Variants in GRID2 observed in about 807,000 individuals in gnomAD.
GRID2 encodes the protein glutamate ionotropic receptor delta type subunit 2, also known as glutamate receptor ionotropic, delta-2.
A neutral mutation model predicts 114.8 loss-of-function variants in GRID2; 33 were observed. That is an observed-to-expected ratio of 0.29 (90% CI 0.22 to 0.38). The LOEUF is 0.38. Ranked by LOEUF, GRID2 falls within the 10% of genes least tolerant of loss-of-function variation. GRID2 has a pLI of 1.00. For missense variants in GRID2, 1,184 were observed against 1,257.7 expected, an observed-to-expected ratio of 0.94 and a Z score of 0.89; for synonymous variants, 505 against 449.9, an observed-to-expected ratio of 1.12 and a Z score of -1.55.
At chr4:92,687,115 C>G (rs1258225505) in intron 2 of GRID2, among the ~76,000 whole-genome samples, 1 of 151,908 alleles carries the variant, frequency 6.6e-6, no homozygotes, top group Non-Finnish European at 1.5e-5. Context: ...AGTTACCATG[C>G]CTTTTGAGAT....
At position 93,024,799 on chromosome 4, in the gene GRID2, A is replaced by G. The variant is rs141377396; in HGVS notation, c.245-60196A>G. Among the ~76,000 whole-genome samples, 579 of 151,790 alleles carry G rather than the reference A, an allele frequency of 3.8e-3. 20 individuals are homozygous for G. In the East Asian group the frequency reaches 0.062, roughly 16 times the overall value. ...CTCAGCCTCCCACTTATCCACTATCACACTGAAACAAAATTATAAAGATTA... is the reference window on the plus strand; with the variant it reads ...CTCAGCCTCCCACTTATCCACTATCGCACTGAAACAAAATTATAAAGATTA... On this transcript the variant is annotated intron_variant, in intron 2 of 15. Coordinates refer to ENST00000282020, the MANE Select transcript of GRID2 (RefSeq NM_001510.4).
chr4:93,078,356 G>C (rs1729523029), intron 2 of GRID2, among the ~76,000 whole-genome samples: 1 of 151,910 alleles, frequency 6.6e-6, no homozygotes, highest in Non-Finnish European at 1.5e-5. Flanking sequence ...CTTTTGGCCT[G>C]GAACCTACTC....
chr4:92,716,244 C>A (rs1458016190), intron 2 of GRID2, among the ~76,000 whole-genome samples: 4 of 152,178 alleles, frequency 2.6e-5, no homozygotes, highest in Non-Finnish European at 5.9e-5. Flanking sequence ...CCTTCCATTG[C>A]TTTCTTCTAT....
At chr4:92,651,230 C>T (rs568573823) in intron 2 of GRID2, among the ~76,000 whole-genome samples, 7 of 152,122 alleles carry the variant, frequency 4.6e-5, no homozygotes, top group Non-Finnish European at 8.8e-5. Flanking sequence ...GGAAACAGTC[C>T]GATGCAATCA....
chr4:93,612,902 A>T (rs1480461718), intron 13 of GRID2, among the ~76,000 whole-genome samples: 1 of 145,644 alleles, frequency 6.9e-6, no homozygotes, highest in African/African-American at 2.5e-5. Flanking sequence ...TATCCTGCAG[A>T]GTGTTTTCCA....
chr4:93,612,079 C>G (rs1216101229), intron 13 of GRID2, among the ~76,000 whole-genome samples: 2 of 152,116 alleles, frequency 1.3e-5, no homozygotes, highest in Non-Finnish European at 2.9e-5. Flanking sequence ...ATGGCCTTGT[C>G]TCTTCTGATC....
chr4:93,331,209 G>A (rs1433666), intron 8 of GRID2, among the ~76,000 whole-genome samples: 91,558 of 148,332 alleles, frequency 0.62, 28,231 homozygotes, highest in East Asian at 0.73. Context: ...AGACTCCAGA[G>A]ACACTATGTT....
At chr4:93,330,992 A>G (rs1758367069) in intron 8 of GRID2, among the ~76,000 whole-genome samples, 1 of 152,058 alleles carries the variant, frequency 6.6e-6, no homozygotes, top group East Asian at 1.9e-4. Context: ...TCTTTTCAGT[A>G]GGAGTAGCCA....
chr4:93,028,117 A>G (rs1724049657), intron 2 of GRID2, among the ~76,000 whole-genome samples: 1 of 152,120 alleles, frequency 6.6e-6, no homozygotes, highest in Non-Finnish European at 1.5e-5. Flanking sequence ...TAATTTGCCA[A>G]GTACTGTTTT....
At chr4:93,028,606 G>C (rs147691250) in intron 2 of GRID2, among the ~76,000 whole-genome samples, 51 of 151,936 alleles carry the variant, frequency 3.4e-4, no homozygotes, top group South Asian at 8.3e-4. Flanking sequence ...ATATACGTAC[G>C]ACATTTTGAT....
rs917114474 is a variant in GRID2 at position 92,466,843 on chromosome 4, T to TTA, written c.89-123278_89-123277dup. On this transcript the variant is annotated intron_variant, in intron 1 of 15. Coordinates refer to ENST00000282020, the MANE Select transcript of GRID2 (RefSeq NM_001510.4). ...ATATATATATATATGTGTGTGTGTG[T>TTA]TATATATATATGTAAACATACCACC... Among the ~76,000 whole-genome samples the TTA allele has an allele frequency of 6.6e-5, 10 of 151,552 alleles. No individual in the cohort carries two copies. In the East Asian group the frequency reaches 7.7e-4, roughly 12 times the overall value.
intron 1 of GRID2, among the ~76,000 whole-genome samples, chr4:92,444,092 C>T (rs1733297215): frequency 6.6e-6 from 1 of 152,140 alleles, no homozygotes; most frequent in Non-Finnish European, 1.5e-5. Context: ...TTGGGCTGGT[C>T]AGTCTGAGGA....
At chr4:93,336,373 T>C (rs1460292966) in intron 8 of GRID2, among the ~76,000 whole-genome samples, 1 of 152,222 alleles carries the variant, frequency 6.6e-6, no homozygotes, top group African/African-American at 2.4e-5. Context: ...ATTTCAGTCA[T>C]GTTTACTGCT....
rs961220751 is a variant in GRID2, at chr4:92,936,166, A to T, written c.245-148829A>T. On this transcript the variant is annotated intron_variant, in intron 2 of 15. Coordinates refer to ENST00000282020, the MANE Select transcript of GRID2 (RefSeq NM_001510.4). Reference sequence around the variant, plus strand: ...TTTGTTATCTCTTTAATTTTCTTTCAATTGTTACATTTATATTGTGATCTT... The same window carrying T: ...TTTGTTATCTCTTTAATTTTCTTTCTATTGTTACATTTATATTGTGATCTT... Among the ~76,000 whole-genome samples, 12 of 146,892 alleles carry T rather than the reference A, an allele frequency of 8.2e-5. 2 individuals carry two copies. Among genetic ancestry groups the T allele is most frequent in the Admixed American group, 2.2e-4 (3 of 13,596 alleles).
chr4:92,385,222 A>T (rs975144434), intron 1 of GRID2, among the ~76,000 whole-genome samples: 1 of 151,740 alleles, frequency 6.6e-6, no homozygotes, highest in Non-Finnish European at 1.5e-5. Context: ...TATAATTTAG[A>T]TATAATTCAA....
At chr4:92,829,848 C>G (rs1578255416) in intron 2 of GRID2, among the ~76,000 whole-genome samples, 1 of 151,920 alleles carries the variant, frequency 6.6e-6, no homozygotes, top group African/African-American at 2.4e-5. Context: ...AACCAAACGC[C>G]ACATGTTCTC....
intron 4 of GRID2, among the ~76,000 whole-genome samples, chr4:93,161,541 C>T (rs934989585): frequency 2.6e-5 from 4 of 151,782 alleles, no homozygotes; most frequent in African/African-American, 9.7e-5. Context: ...ATTAGCTGTA[C>T]ATGGTAATTT....
intron 2 of GRID2, among the ~76,000 whole-genome samples, chr4:92,982,958 T>C (rs1033499556): frequency 1.6e-4 from 24 of 152,062 alleles, no homozygotes; most frequent in Non-Finnish European, 4.4e-5. Context: ...AGGAAGCATG[T>C]ATTATTGCCA....
At chr4:92,459,928 T>TCAAACTGTCA (rs1721397651) in intron 1 of GRID2, among the ~76,000 whole-genome samples, 1 of 149,336 alleles carries the variant, frequency 6.7e-6, no homozygotes, top group Non-Finnish European at 1.5e-5. Flanking sequence ...GCCTTTGGAT[T>TCAAACTGTCA]CAAACTGTCA....
Sources: allele counts gnomAD v4.1 joint callset (sites outside exome capture counted in the v4.1 genomes callset), GRCh38; gene constraint gnomAD v4.1.1; transcripts MANE v1.5; gene names NCBI Gene and HGNC (gene_info 2026-07-23, HGNC 2026-07-21).